The following LRP12 variants were observed in gnomAD, a reference collection of about 807,000 sequenced individuals.
The protein encoded by LRP12 is low-density lipoprotein receptor-related protein 12.
LRP12 carries 14 observed loss-of-function variants against 66.0 expected under a neutral mutation model. The observed-to-expected ratio is 0.21, with a 90% CI of 0.14 to 0.33. The LOEUF (loss-of-function observed/expected upper bound fraction) is 0.33. Ranked by LOEUF, LRP12 falls within the 10% of genes least tolerant of loss-of-function variation. LRP12 has a pLI of 1.00. For synonymous variants in LRP12, 357 were observed against 359.1 expected, an observed-to-expected ratio of 0.99 and a Z score of 0.07; for missense variants, 889 against 1,053.4, an observed-to-expected ratio of 0.84 and a Z score of 2.16.
intron 1 of LRP12, among the ~76,000 whole-genome samples, chr8:104,552,256 G>A (rs1811736023): frequency 6.6e-6 from 1 of 151,458 alleles, no homozygotes; most frequent in South Asian, 2.1e-4. Context: ...TTGGGGATGG[G>A]GATACCAAGA....
At chr8:104,581,532 G>GGA (rs1812249542) in intron 1 of LRP12, among the ~76,000 whole-genome samples, 2 of 140,854 alleles carry the variant, frequency 1.4e-5, no homozygotes, top group African/African-American at 5.2e-5. Flanking sequence ...ACTTAAAAGT[G>GGA]AAAAAAAAAA....
At chr8:104,577,835 A>T (rs920402915) in intron 1 of LRP12, among the ~76,000 whole-genome samples, 2 of 151,158 alleles carry the variant, frequency 1.3e-5, no homozygotes, top group African/African-American at 4.9e-5. Context: ...AAAGAAAAAG[A>T]AAGTTCTTGG....
At chr8:104,559,074 A>T (rs1811860754) in intron 1 of LRP12, among the ~76,000 whole-genome samples, 1 of 152,202 alleles carries the variant, frequency 6.6e-6, no homozygotes, top group Non-Finnish European at 1.5e-5. Context: ...CTACAAGTAG[A>T]TCTACCATTT....
chr8:104,514,679 A>C (rs891842616), intron 2 of LRP12, among the ~76,000 whole-genome samples: 2 of 152,174 alleles, frequency 1.3e-5, no homozygotes, highest in Non-Finnish European at 2.9e-5. Context: ...TTGTCTCAAA[A>C]AAAATGACAG....
Position 104,491,004 on chromosome 8 carries a change from A to AG in LRP12, c.2248dup (p.Leu750ProfsTer12), listed in dbSNP as rs1810614586. The AG allele has an allele frequency of 1.2e-6, 2 of 1,613,974 alleles. No individual in the cohort carries two copies. Among genetic ancestry groups the AG allele is most frequent in the South Asian group, 2.2e-5 (2 of 91,090 alleles). On this transcript the variant is annotated frameshift_variant, in exon 7 of 7. Transcript: ENST00000276654. LOFTEE classifies it high-confidence loss of function. Reference sequence around the variant, plus strand: ...TCTCAAAGGACTCTGGTTCTGACTTAGGGAACTTGATCGTCCTAATGTAAA... The same window carrying AG: ...TCTCAAAGGACTCTGGTTCTGACTTAGGGGAACTTGATCGTCCTAATGTAAA...
intron 1 of LRP12, among the ~76,000 whole-genome samples, chr8:104,582,860 C>T (rs1199212397): frequency 1.3e-5 from 2 of 152,082 alleles, no homozygotes; most frequent in Non-Finnish European, 2.9e-5. Context: ...CTTCTCATTC[C>T]TCCTCTTCAC....
intron 1 of LRP12, among the ~76,000 whole-genome samples, chr8:104,562,698 T>C (rs368763075): frequency 5.9e-5 from 9 of 152,182 alleles, no homozygotes; most frequent in African/African-American, 1.9e-4. Flanking sequence ...AGCCATCCAA[T>C]TACTGTTTCT....
intron 1 of LRP12, among the ~76,000 whole-genome samples, chr8:104,541,552 G>C (rs1371640266): frequency 6.6e-6 from 1 of 152,160 alleles, no homozygotes; most frequent in Admixed American, 6.5e-5. Context: ...ACAATGGGTG[G>C]TTTTTAGTAT....
At chr8:104,576,246 G>C (rs535292153) in intron 1 of LRP12, among the ~76,000 whole-genome samples, 1 of 152,072 alleles carries the variant, frequency 6.6e-6, no homozygotes, top group Non-Finnish European at 1.5e-5. Flanking sequence ...AGAAGCCAAC[G>C]TTCAAATTGA....
chr8:104,548,273 ATT>A (rs1254701429), intron 1 of LRP12, among the ~76,000 whole-genome samples: 2 of 89,106 alleles, frequency 2.2e-5, no homozygotes, highest in Non-Finnish European at 1.8e-5. Flanking sequence ...TATGATATAT[ATT>A]ATATTAATAT....
chr8:104,553,768 A>G (rs1455622728), intron 1 of LRP12, among the ~76,000 whole-genome samples: 3 of 152,112 alleles, frequency 2.0e-5, no homozygotes, highest in Admixed American at 6.5e-5. Flanking sequence ...TCCTCCTTAC[A>G]CTACCACAGC....
intron 1 of LRP12, among the ~76,000 whole-genome samples, chr8:104,541,308 C>T (rs1309510945): frequency 6.6e-6 from 1 of 152,168 alleles, no homozygotes; most frequent in African/African-American, 2.4e-5. Context: ...ATCACCTTCT[C>T]TATTCTAAAA....
At chr8:104,535,994 T>A (rs1350868894) in intron 1 of LRP12, among the ~76,000 whole-genome samples, 1 of 152,118 alleles carries the variant, frequency 6.6e-6, no homozygotes, top group Admixed American at 6.6e-5. Flanking sequence ...CTCAGCTTCC[T>A]ACAATTTCTT....
rs189742863 is a variant in LRP12, at chr8:104,553,188, T to C, written c.80-21225A>G. 3.3e-5 allele frequency among the ~76,000 whole-genome samples: 5 copies of C among 152,262 alleles called. No individual in the cohort carries two copies. The East Asian group carries it at 9.7e-4, about 29-fold the overall frequency. ...GGAGAAGGAAACTTCCAGTTGAACT[T>C]TGTAACAATTTCAACTGAATGTGAA... On this transcript the variant is annotated intron_variant, in intron 1 of 6. Coordinates refer to ENST00000276654, the MANE Select transcript of LRP12 (RefSeq NM_013437.5).
intron 1 of LRP12, among the ~76,000 whole-genome samples, chr8:104,565,903 C>T (rs1233945316): frequency 2.3e-5 from 3 of 132,940 alleles, no homozygotes; most frequent in Non-Finnish European, 3.1e-5. Context: ...ATACATGTTA[C>T]TTGGTTGTGG....
intron 1 of LRP12, among the ~76,000 whole-genome samples, chr8:104,548,016 T>C (rs1375044269): frequency 8.1e-6 from 1 of 124,024 alleles, no homozygotes; most frequent in Admixed American, 1.0e-4. Context: ...TATATAATTG[T>C]TATATTTTGT....
At chr8:104,502,745 G>A (rs1810848384) in intron 3 of LRP12, among the ~76,000 whole-genome samples, 1 of 151,910 alleles carries the variant, frequency 6.6e-6, no homozygotes, top group African/African-American at 2.4e-5. Context: ...GTTTATGGGA[G>A]GTCTAGTCCC....
intron 2 of LRP12, among the ~76,000 whole-genome samples, chr8:104,523,855 A>T (rs1342464167): frequency 3.3e-5 from 5 of 152,190 alleles, no homozygotes; most frequent in Non-Finnish European, 7.3e-5. Flanking sequence ...AGATAATGTA[A>T]ACTTACAGTA....
chr8:104,501,921 G>C (rs1810833536), intron 3 of LRP12, among the ~76,000 whole-genome samples: 1 of 152,176 alleles, frequency 6.6e-6, no homozygotes, highest in East Asian at 1.9e-4. Context: ...AGATCTCAAC[G>C]ATGTTCAACT....
Sources: gnomAD v4.1 joint callset for allele counts (sites outside exome capture counted in the v4.1 genomes callset) on GRCh38, gnomAD v4.1.1 for gene constraint, MANE v1.5 for transcripts, NCBI Gene and HGNC (gene_info 2026-07-23, HGNC 2026-07-21) for gene names.